ZMPSTE24: variants seen among roughly 807,000 people sequenced by gnomAD.
ZMPSTE24 encodes zinc metallopeptidase STE24, also known as CAAX prenyl protease 1 homolog.
Under a neutral mutation model 56.7 loss-of-function variants are expected in ZMPSTE24, and 48 were observed. The ratio of observed to expected loss-of-function variants is 0.85; its 90% CI spans 0.67 to 1.08. The LOEUF (loss-of-function observed/expected upper bound fraction) is 1.08, where lower values mean the gene tolerates loss of function less well. Among genes scored for constraint, ZMPSTE24 ranks in the 50% least tolerant of loss-of-function variants. ZMPSTE24 has a pLI of 0.00. For missense variants in ZMPSTE24, 503 were observed against 548.7 expected, an observed-to-expected ratio of 0.92 and a Z score of 0.83; for synonymous variants, 172 against 195.2, an observed-to-expected ratio of 0.88 and a Z score of 0.99.
Position 40,271,957 on chromosome 1 carries a change from G to T in ZMPSTE24, c.691G>T (p.Glu231Ter), listed in dbSNP as rs281875369. The T allele has an allele frequency of 6.2e-7, 1 of 1,613,700 alleles. No individual in the cohort carries two copies. Among genetic ancestry groups the T allele is most frequent in the South Asian group, 1.1e-5 (1 of 91,042 alleles). ...PLFDKFTPLP[E>*]GKLKEEIEVM... ...ATTTGACAAATTCACACCTCTGCCTGAGGGAAAGCTTAAAGAAGAAATTGA... is the reference window on the plus strand; with the variant it reads ...ATTTGACAAATTCACACCTCTGCCTTAGGGAAAGCTTAAAGAAGAAATTGA... The change falls in exon 6 of 10, where the codon GAG (glutamate) becomes TAG (stop). Residue 231 changes from glutamate (E) to a stop codon, truncating the protein, a stop_gained. Coordinates refer to ENST00000372759, the MANE Select transcript of ZMPSTE24 (RefSeq NM_005857.5). LOFTEE classifies it high-confidence loss of function.
At chr1:40,262,937 G>T in intron 2 of ZMPSTE24, 1 of 1,027,584 alleles carries the variant, frequency 9.7e-7, no homozygotes. Flanking sequence ...CTTCATCTCT[G>T]AAAAGTCTGA....
chr1:40,290,726 TG>T lies in ZMPSTE24; in HGVS notation c.1060-127del, dbSNP rs1298846777. Reference sequence around the variant, plus strand: ...ATCCACCCGCCTTGGCCTCCCAAAGTGCTGGGATTACAGGCGTGAGCCACCG... The same window carrying T: ...ATCCACCCGCCTTGGCCTCCCAAAGTCTGGGATTACAGGCGTGAGCCACCG... On this transcript the variant is annotated intron_variant, in intron 8 of 9. Coordinates refer to ENST00000372759, the MANE Select transcript of ZMPSTE24 (RefSeq NM_005857.5). 6 of 1,079,200 alleles carry T rather than the reference TG, an allele frequency of 5.6e-6. No homozygotes were observed. In the African/African-American group the frequency reaches 6.3e-5, roughly 11 times the overall value. The allele number at this position is 1,079,200 out of a possible 1,614,324, so 66.9% of individuals were successfully genotyped here.
chr1:40,273,677 T>C (rs1643639756), intron 6 of ZMPSTE24, among the ~76,000 whole-genome samples: 2 of 146,226 alleles, frequency 1.4e-5, no homozygotes, highest in South Asian at 4.3e-4. Context: ...CATACTTACT[T>C]CTTTAGCCTC....
chr1:40,266,749 G>C (rs1236493489), intron 2 of ZMPSTE24, among the ~76,000 whole-genome samples: 1 of 144,598 alleles, frequency 6.9e-6, no homozygotes, highest in African/African-American at 2.6e-5. Context: ...TTAGCTGTTG[G>C]ATTTCGAACA....
rs74938879 is a variant in ZMPSTE24 at position 40,276,047 on chromosome 1, C to T, written c.769+4012C>T. ...AAGCCAGGGCATGGGGCTAGCTGCTCGGAGTGCTGGGGAAACAAATATCTG... is the reference window on the plus strand; with the variant it reads ...AAGCCAGGGCATGGGGCTAGCTGCTTGGAGTGCTGGGGAAACAAATATCTG... On this transcript the variant is annotated intron_variant, in intron 6 of 9. Coordinates refer to ENST00000372759, the MANE Select transcript of ZMPSTE24 (RefSeq NM_005857.5). Among the ~76,000 whole-genome samples the T allele has an allele frequency of 5.0e-3, 758 of 152,254 alleles. 6 individuals carry two copies. The highest frequency in any genetic ancestry group is 0.011 in the South Asian group (51 of 4,828).
intron 2 of ZMPSTE24, chr1:40,263,093 C>G (rs1002411532): frequency 1.5e-6 from 1 of 683,094 alleles, no homozygotes; most frequent in African/African-American, 2.0e-5. Flanking sequence ...CCTTGGTTGT[C>G]CCTGGTAAAT....
chr1:40,292,033 G>C (rs964879645), intron 9 of ZMPSTE24, among the ~76,000 whole-genome samples: 5 of 151,788 alleles, frequency 3.3e-5, no homozygotes, highest in Non-Finnish European at 5.9e-5. Context: ...TAGAGACAGG[G>C]TTTCACCATG....
Position 40,278,531 on chromosome 1 carries a change from C to T in ZMPSTE24, c.770-2812C>T, listed in dbSNP as rs567042159. Among the ~76,000 whole-genome samples the T allele has an allele frequency of 8.1e-5, 9 of 110,518 alleles. No homozygotes were observed. The East Asian group carries it at 2.6e-3, about 32-fold the overall frequency. 72.5% of individuals were successfully genotyped at this position (110,518 alleles called of 152,430 possible). A position where few individuals can be genotyped will look rare whatever the true frequency, so the allele number is the denominator to read the frequency against. ...CGAGATCGCGCCACTGCACTCCAGC[C>T]TGGGCGACAGAGTGAGACTCCGTCT... On this transcript the variant is annotated intron_variant, in intron 6 of 9. Coordinates refer to ENST00000372759, the MANE Select transcript of ZMPSTE24 (RefSeq NM_005857.5).
intron 8 of ZMPSTE24, chr1:40,290,549 C>G (rs1643830955): frequency 3.5e-6 from 1 of 282,396 alleles, no homozygotes; most frequent in South Asian, 3.2e-5. Flanking sequence ...CAAGCTCCGC[C>G]TCCCGGGTTC....
At chr1:40,260,749 G>A (rs1030406505) in intron 1 of ZMPSTE24, 90 bp from the exon 2 acceptor site, 1 of 1,357,996 alleles carries the variant, frequency 7.4e-7, no homozygotes, top group Non-Finnish European at 1.0e-6. Context: ...AGATATAAGT[G>A]GCAAGCTATA....
At chr1:40,282,140 G>A (rs996889190) in intron 7 of ZMPSTE24, among the ~76,000 whole-genome samples, 1 of 152,148 alleles carries the variant, frequency 6.6e-6, no homozygotes, top group Non-Finnish European at 1.5e-5. Flanking sequence ...CAGTCTAAAG[G>A]GGAAATAGTC....
intron 2 of ZMPSTE24, among the ~76,000 whole-genome samples, chr1:40,266,110 A>G (rs1018074456): frequency 6.6e-6 from 1 of 152,262 alleles, no homozygotes; most frequent in African/African-American, 2.4e-5. Context: ...ACTGATAAGT[A>G]TAATATGATG....
intron 6 of ZMPSTE24, among the ~76,000 whole-genome samples, chr1:40,280,468 A>G (rs558258395): frequency 2.1e-4 from 31 of 150,922 alleles, no homozygotes; most frequent in African/African-American, 7.1e-4. Flanking sequence ...TCTGTTGCCT[A>G]GGCTGGAGTG....
chr1:40,283,899 C>G (rs927468879), intron 7 of ZMPSTE24, among the ~76,000 whole-genome samples: 4 of 151,116 alleles, frequency 2.6e-5, no homozygotes, highest in African/African-American at 9.7e-5. Flanking sequence ...CTAGAATTCC[C>G]TCATCATCTT....
At position 40,293,665 on chromosome 1, in the gene ZMPSTE24, A is replaced by T. The variant is rs990728476; in HGVS notation, c.*996A>T. Reference sequence around the variant, plus strand: ...TTTTCATTTTTATTTTTGTAATTTTATCTGTAAGTCATAAATATTACTTAA... The same window carrying T: ...TTTTCATTTTTATTTTTGTAATTTTTTCTGTAAGTCATAAATATTACTTAA... On this transcript the variant is annotated 3_prime_UTR_variant, in exon 10 of 10. Coordinates refer to ENST00000372759, the MANE Select transcript of ZMPSTE24 (RefSeq NM_005857.5). 2.6e-5 allele frequency: 4 copies of T among 152,178 alleles called. No homozygotes were observed. The highest frequency in any genetic ancestry group is 9.7e-5 in the African/African-American group (4 of 41,438). 9.4% of individuals were successfully genotyped at this position (152,178 alleles called of 1,614,324 possible). A position where few individuals can be genotyped will look rare whatever the true frequency, so the allele number is the denominator to read the frequency against.
At chr1:40,274,514 C>T (rs922771883) in intron 6 of ZMPSTE24, among the ~76,000 whole-genome samples, 8 of 152,136 alleles carry the variant, frequency 5.3e-5, no homozygotes, top group Admixed American at 6.5e-5. Flanking sequence ...GCCCATTTGA[C>T]GTCAATGGGA....
intron 2 of ZMPSTE24, chr1:40,262,711 A>T: frequency 3.8e-6 from 2 of 531,894 alleles, no homozygotes; most frequent in Non-Finnish European, 5.1e-6. Flanking sequence ...AACTTGACTT[A>T]ATATTTTGCA....
chr1:40,262,848 T>C (rs1327928684), intron 2 of ZMPSTE24: 17 of 1,147,684 alleles, frequency 1.5e-5, no homozygotes, highest in Admixed American at 9.5e-5. Context: ...AGAGAATTGT[T>C]GAACAACTTA....
In ZMPSTE24 at chr1:40,267,835, G is replaced by A. The variant is rs372348936; in HGVS notation, c.320G>A (p.Arg107Gln). ...GIPYLWRLSG[R>Q]FCGYAGFGPE... is the part of the protein sequence containing the mutation. ...CCTTATCTCTGGAGACTTTCTGGAC[G>A]GTTCTGTGGTTATGCTGGCTTTGGA... is the stretch of plus-strand genomic sequence containing the variant. The change falls in exon 3 of 10, where the codon CGG (arginine) becomes CAG (glutamine). Residue 107 changes from arginine to glutamine, a missense_variant. Physicochemically the swap from Arg to Gln is conservative, Grantham distance 43. Coordinates refer to ENST00000372759, the MANE Select transcript of ZMPSTE24 (RefSeq NM_005857.5). The A allele has an allele frequency of 7.4e-6, 12 of 1,613,766 alleles. No individual in the cohort carries two copies. The highest frequency in any genetic ancestry group is 1.6e-4 in the Middle Eastern group (1 of 6,062).
Sources: gnomAD v4.1 joint callset for allele counts (sites outside exome capture counted in the v4.1 genomes callset) on GRCh38, gnomAD v4.1.1 for gene constraint, MANE v1.5 for transcripts, NCBI Gene and HGNC (gene_info 2026-07-23, HGNC 2026-07-21) for gene names.